The following KSR2 variants were observed in gnomAD, a reference collection of about 807,000 sequenced individuals.
The protein encoded by KSR2 is kinase suppressor of ras 2.
A neutral mutation model predicts 107.8 loss-of-function variants in KSR2; 25 were observed. The observed-to-expected ratio is 0.23, with a 90% CI of 0.17 to 0.32. The LOEUF (loss-of-function observed/expected upper bound fraction) is 0.32. KSR2 is among the 10% of genes least tolerant of loss of function. The pLI is 1.00. For missense variants in KSR2, 887 were observed against 1,268.9 expected (o/e 0.70, Z 4.57); for synonymous variants, 480 against 507.0 (o/e 0.95, Z 0.71).
Position 117,897,027 on chromosome 12 carries a change from T to C in KSR2, c.181-36596A>G, listed in dbSNP as rs1298139049. 6.6e-6 allele frequency among the ~76,000 whole-genome samples: 1 copy of C among 152,194 alleles called. No individual in the cohort carries two copies. The highest frequency in any genetic ancestry group is 6.5e-5 in the Admixed American group (1 of 15,286). On this transcript the variant is annotated intron_variant, in intron 1 of 19. Transcript: ENST00000339824. This position sits in a 1 kb window ranked among gnomAD's most constrained non-coding sequence, Gnocchi z 4.5. ...TGCCAAGCAGGGCAGTGATACTTCA[T>C]CTGCCTAACCAGGAGGTGTTAGAGT... is the stretch of plus-strand genomic sequence containing the variant.
intron 14 of KSR2, among the ~76,000 whole-genome samples, chr12:117,500,714 C>T (rs1604079): frequency 0.34 from 52,179 of 152,080 alleles, 9,580 homozygotes; most frequent in South Asian, 0.53. Context: ...CACACAAGAG[C>T]CCTGAGGGGG....
At chr12:117,496,522 A>G (rs746378040) in intron 14 of KSR2, among the ~76,000 whole-genome samples, 13 of 152,228 alleles carry the variant, frequency 8.5e-5, no homozygotes, top group Non-Finnish European at 1.6e-4. Context: ...TGAATCTGCC[A>G]GATCAGCCAA....
chr12:117,884,048 C>T (rs1433333064), intron 1 of KSR2, among the ~76,000 whole-genome samples: 2 of 151,970 alleles, frequency 1.3e-5, no homozygotes, highest in Non-Finnish European at 1.5e-5. Flanking sequence ...GAAAATAATG[C>T]CGTTTGTCCT....
intron 5 of KSR2, among the ~76,000 whole-genome samples, chr12:117,605,446 A>G (rs1049996646): frequency 7.5e-4 from 115 of 152,342 alleles, no homozygotes; most frequent in African/African-American, 2.5e-3. Context: ...CTTGTTACAT[A>G]GGTAAATGTG....
chr12:117,869,155 T>C (rs1893572991), intron 1 of KSR2, among the ~76,000 whole-genome samples: 1 of 152,040 alleles, frequency 6.6e-6, no homozygotes, highest in African/African-American at 2.4e-5. Flanking sequence ...GTGGATCACC[T>C]GAGGTCAGGA....
intron 5 of KSR2, among the ~76,000 whole-genome samples, chr12:117,588,661 A>G (rs1880145355): frequency 6.6e-6 from 1 of 152,230 alleles, no homozygotes; most frequent in African/African-American, 2.4e-5. Context: ...CTCAGAGCAA[A>G]TCTGAACTTA....
intron 19 of KSR2, 41 bp downstream of exon 19, chr12:117,469,621 G>A: frequency 4.4e-6 from 7 of 1,602,436 alleles, no homozygotes; most frequent in Non-Finnish European, 6.0e-6. Context: ...AAAGGGCAGA[G>A]GACAAGGCAG....
intron 5 of KSR2, among the ~76,000 whole-genome samples, chr12:117,641,483 G>A (rs1565940353): frequency 6.6e-6 from 1 of 152,134 alleles, no homozygotes; most frequent in Non-Finnish European, 1.5e-5. Flanking sequence ...TTGACTGGCA[G>A]CTGTGTCATC....
At chr12:117,870,079 T>A (rs1216039721) in intron 1 of KSR2, among the ~76,000 whole-genome samples, 4 of 152,200 alleles carry the variant, frequency 2.6e-5, no homozygotes, top group African/African-American at 9.6e-5. Flanking sequence ...GACACTATGC[T>A]AGGAGCTGTT....
chr12:117,799,763 T>C (rs1268653438), intron 3 of KSR2, among the ~76,000 whole-genome samples: 3 of 151,982 alleles, frequency 2.0e-5, no homozygotes, highest in African/African-American at 7.3e-5. Flanking sequence ...CAACTAAGGG[T>C]GGTTGTGAGC....
chr12:117,524,934 C>T lies in KSR2; in HGVS notation c.2137G>A (p.Ala713Thr), dbSNP rs758655066. The part of the protein sequence containing the change: ...QLKAFKREVM[A>T]YRQTRHENVV... ...TTCTCATGCCGTGTCTGCCTGTAGG[C>T]CATCACCTCCCGCTTGAAGGCCTTG... is the stretch of plus-strand genomic sequence containing the variant. Residue 713 changes from alanine to threonine, a missense_variant, in exon 14 of 20, where the codon GCC becomes ACC. This residue lies in a region of KSR2 where 308 missense variants were observed against 506.2 expected (regional missense o/e 0.61). Transcript: ENST00000339824. 30 of 1,613,786 alleles carry T rather than the reference C, an allele frequency of 1.9e-5. No homozygotes were observed. The highest frequency in any genetic ancestry group is 2.4e-5 in the Non-Finnish European group (28 of 1,179,878).
At chr12:117,516,577 A>G (rs1218712645) in intron 14 of KSR2, among the ~76,000 whole-genome samples, 3 of 152,166 alleles carry the variant, frequency 2.0e-5, no homozygotes, top group Middle Eastern at 3.2e-3. Flanking sequence ...GATAAAAGTT[A>G]TTGAGCACTC....
At chr12:117,828,494 A>G (rs1263441708) in intron 3 of KSR2, among the ~76,000 whole-genome samples, 2 of 152,228 alleles carry the variant, frequency 1.3e-5, no homozygotes, top group Non-Finnish European at 1.5e-5. Context: ...TTTATGTATT[A>G]TAACTCATTA....
At chr12:117,855,333 G>A (rs1210595480) in intron 3 of KSR2, 95 bp downstream of exon 3, 21 of 1,532,832 alleles carry the variant, frequency 1.4e-5, no homozygotes, top group Middle Eastern at 1.8e-4. Flanking sequence ...ACTCTGTCTC[G>A]TCCTGGCCTG....
At chr12:117,576,799 TG>T (rs1879309596) in intron 7 of KSR2, among the ~76,000 whole-genome samples, 1 of 152,076 alleles carries the variant, frequency 6.6e-6, no homozygotes, top group Non-Finnish European at 1.5e-5. Flanking sequence ...CCATCATGCC[TG>T]GCTAATTTTT....
At chr12:117,845,468 C>T (rs1180369881) in intron 3 of KSR2, among the ~76,000 whole-genome samples, 2 of 152,170 alleles carry the variant, frequency 1.3e-5, no homozygotes, top group Non-Finnish European at 2.9e-5. Flanking sequence ...CAGAGAGGCT[C>T]GCTGTCAGTT....
intron 3 of KSR2, among the ~76,000 whole-genome samples, chr12:117,786,787 G>T (rs955415408): frequency 1.3e-5 from 2 of 152,140 alleles, no homozygotes; most frequent in Admixed American, 6.5e-5. Context: ...TTGCACTCCA[G>T]CCTGGGCAAC....
At chr12:117,646,664 CG>C (rs1883660057) in intron 5 of KSR2, among the ~76,000 whole-genome samples, 1 of 152,172 alleles carries the variant, frequency 6.6e-6, no homozygotes. Context: ...GAGTCAGCAT[CG>C]AGTTTCTTCT....
rs558383043 is a variant in KSR2 at position 117,795,632 on chromosome 12, T to TTTTA, written c.473-34112_473-34109dup. ...AAGGTTGGAGACAGAAGCCTGTGGT[T>TTTTA]TTTATTTATTTATTGAGACAGGGTC... On this transcript the variant is annotated intron_variant, in intron 3 of 19. Coordinates refer to ENST00000339824, the MANE Select transcript of KSR2 (RefSeq NM_173598.6). 1.9e-3 allele frequency among the ~76,000 whole-genome samples: 284 copies of TTTTA among 152,204 alleles called. 1 individual carries two copies. Among genetic ancestry groups the TTTTA allele is most frequent in the African/African-American group, 6.7e-3 (277 of 41,536 alleles).
Sources: allele counts gnomAD v4.1 joint callset (sites outside exome capture counted in the v4.1 genomes callset), GRCh38; gene constraint gnomAD v4.1.1; regional missense constraint gnomAD v4.1.1; non-coding constraint Gnocchi (gnomAD v3.1); transcripts MANE v1.5; gene names NCBI Gene and HGNC (gene_info 2026-07-23, HGNC 2026-07-21).